The following EYA2 variants were observed in gnomAD, a reference collection of about 807,000 sequenced individuals.
EYA2 encodes protein phosphatase EYA2.
EYA2 carries 31 observed loss-of-function variants against 69.2 expected under a neutral mutation model. The ratio of observed to expected loss-of-function variants is 0.45; its 90% CI spans 0.34 to 0.60. The LOEUF (loss-of-function observed/expected upper bound fraction) is 0.60. Ranked by LOEUF, EYA2 falls within the 20% of genes least tolerant of loss-of-function variation. EYA2 has a pLI of 0.02. For synonymous variants in EYA2, 257 were observed against 279.4 expected, an observed-to-expected ratio of 0.92 and a Z score of 0.80; for missense variants, 622 against 701.2, an observed-to-expected ratio of 0.89 and a Z score of 1.28.
intron 9 of EYA2, among the ~76,000 whole-genome samples, chr20:47,126,437 G>A (rs924485769): frequency 6.6e-6 from 1 of 152,138 alleles, no homozygotes; most frequent in Non-Finnish European, 1.5e-5. Flanking sequence ...CCCAAGTCAC[G>A]TACCTTCTAG....
At chr20:46,975,710 T>C (rs1980418778) in intron 1 of EYA2, among the ~76,000 whole-genome samples, 1 of 151,880 alleles carries the variant, frequency 6.6e-6, no homozygotes, top group Non-Finnish European at 1.5e-5. Flanking sequence ...AGGTCAGGTG[T>C]TCGAGACTAG....
At chr20:47,000,406 C>T (rs1982289816) in intron 2 of EYA2, among the ~76,000 whole-genome samples, 1 of 152,208 alleles carries the variant, frequency 6.6e-6, no homozygotes, top group Non-Finnish European at 1.5e-5. Flanking sequence ...GTCTCCTGAG[C>T]CTCCAGCGCA....
At position 46,990,111 on chromosome 20, in the gene EYA2, A is replaced by T; in HGVS notation, c.101A>T (p.Asp34Val). The T allele has an allele frequency of 6.3e-7, 1 of 1,598,372 alleles. No individual in the cohort carries two copies. ...RADAAVWTLS[D>V]RQGITKSAPL... is the part of the protein sequence containing the mutation. ...GACGCTGCTGTGTGGACTCTGAGTG[A>T]CAGACAAGGTAGGCTTCCTGCTGTG... is the stretch of plus-strand genomic sequence containing the variant. The change falls in exon 2 of 16, where the codon GAC (aspartate) becomes GTC (valine). Residue 34 changes from aspartate (D) to valine (V), a missense_variant. Physicochemically the swap from Asp to Val is radical, Grantham distance 152. Coordinates refer to ENST00000327619, the MANE Select transcript of EYA2 (RefSeq NM_005244.5).
chr20:47,063,577 TCCCTGCC>T (rs2030991101), intron 5 of EYA2, among the ~76,000 whole-genome samples: 1 of 152,092 alleles, frequency 6.6e-6, no homozygotes, highest in African/African-American at 2.4e-5. Context: ...CCTTTGCAAC[TCCCTGCC>T]CCTTTTCCAC....
At chr20:47,024,636 G>A (rs937909557) in intron 5 of EYA2, among the ~76,000 whole-genome samples, 4 of 152,178 alleles carry the variant, frequency 2.6e-5, no homozygotes, top group African/African-American at 9.7e-5. Context: ...CCGCTGACTT[G>A]CAGCTCCATC....
chr20:46,966,534 C>T (rs1230764200), intron 1 of EYA2, among the ~76,000 whole-genome samples: 3 of 151,980 alleles, frequency 2.0e-5, no homozygotes, highest in Non-Finnish European at 4.4e-5. Flanking sequence ...GCAGGCCTGG[C>T]GCGGTGGCTC....
At chr20:47,119,536 T>C (rs981210149) in intron 9 of EYA2, among the ~76,000 whole-genome samples, 6 of 152,336 alleles carry the variant, frequency 3.9e-5, no homozygotes, top group Non-Finnish European at 7.3e-5. Context: ...AACACACTTA[T>C]GTCAAGTGAA....
In EYA2 at chr20:47,051,402, C is replaced by T. The variant is rs76310098; in HGVS notation, c.416-20783C>T. Among the ~76,000 whole-genome samples, 24 of 152,270 alleles carry T rather than the reference C, an allele frequency of 1.6e-4. No homozygotes were observed. In the East Asian group the frequency reaches 4.0e-3, roughly 26 times the overall value. The stretch of plus-strand genomic sequence containing the variant: ...AATACCCACCGAAACTATGAATGAA[C>T]CTTCCAGTAGGACCAAAAATTACAG... On this transcript the variant is annotated intron_variant, in intron 5 of 15. Transcript: ENST00000327619.
chr20:47,188,016 G>C (rs369669079), intron 15 of EYA2, 37 bp from the exon 16 acceptor site: 2 of 1,551,978 alleles, frequency 1.3e-6, no homozygotes, highest in South Asian at 2.4e-5. Context: ...GGGCAGGGGC[G>C]GGGCCATAAC....
At chr20:47,039,759 T>C (rs943763573) in intron 5 of EYA2, among the ~76,000 whole-genome samples, 1 of 150,734 alleles carries the variant, frequency 6.6e-6, no homozygotes, top group African/African-American at 2.4e-5. Flanking sequence ...CTGTTAACTG[T>C]GTGACTGTGG....
At chr20:47,107,933 C>T (rs371864398) in intron 9 of EYA2, among the ~76,000 whole-genome samples, 4 of 152,064 alleles carry the variant, frequency 2.6e-5, no homozygotes, top group South Asian at 4.2e-4. Context: ...TGAATAAGGC[C>T]TGAAGGAAGT....
intron 1 of EYA2, among the ~76,000 whole-genome samples, chr20:46,982,795 TA>T (rs1980922660): frequency 7.1e-6 from 1 of 141,520 alleles, no homozygotes; most frequent in African/African-American, 2.7e-5. Flanking sequence ...TTTTTTGAGA[TA>T]GAGTTTTGCT....
intron 8 of EYA2, among the ~76,000 whole-genome samples, chr20:47,092,315 A>G (rs1303421768): frequency 6.6e-6 from 1 of 152,106 alleles, no homozygotes; most frequent in Non-Finnish European, 1.5e-5. Flanking sequence ...GGCCATTCTT[A>G]GTCCAGGGAA....
At chr20:47,046,458 G>A (rs1166345889) in intron 5 of EYA2, among the ~76,000 whole-genome samples, 1 of 152,196 alleles carries the variant, frequency 6.6e-6, no homozygotes, top group African/African-American at 2.4e-5. Context: ...GGATGAAGGT[G>A]TCTGCATCTC....
intron 1 of EYA2, among the ~76,000 whole-genome samples, chr20:46,974,876 C>T (rs1345562652): frequency 6.6e-6 from 1 of 152,098 alleles, no homozygotes; most frequent in Non-Finnish European, 1.5e-5. Context: ...TGTCACTGCA[C>T]GTTGGGTGCC....
intron 9 of EYA2, among the ~76,000 whole-genome samples, chr20:47,133,082 G>A (rs1403228428): frequency 6.6e-6 from 1 of 152,188 alleles, no homozygotes; most frequent in East Asian, 1.9e-4. Context: ...CCAAAAAGGA[G>A]AATTTGTTCA....
intron 10 of EYA2, among the ~76,000 whole-genome samples, chr20:47,166,414 A>ATT (rs2034192785): frequency 7.1e-6 from 1 of 141,378 alleles, no homozygotes; most frequent in African/African-American, 2.8e-5. Flanking sequence ...AAAAAAAAAA[A>ATT]AAAAAAAAAA....
At chr20:47,149,297 T>C (rs1302509387) in intron 10 of EYA2, among the ~76,000 whole-genome samples, 1 of 151,994 alleles carries the variant, frequency 6.6e-6, no homozygotes, top group Non-Finnish European at 1.5e-5. Context: ...TAAATAGATA[T>C]AAAGCCAGAA....
At chr20:47,032,459 A>G (rs918215461) in intron 5 of EYA2, among the ~76,000 whole-genome samples, 3 of 152,132 alleles carry the variant, frequency 2.0e-5, no homozygotes, top group African/African-American at 4.8e-5. Flanking sequence ...AACATTCTCT[A>G]TGTATGCATT....
Sources: allele counts gnomAD v4.1 joint callset (sites outside exome capture counted in the v4.1 genomes callset), GRCh38; gene constraint gnomAD v4.1.1; transcripts MANE v1.5; gene names NCBI Gene and HGNC (gene_info 2026-07-23, HGNC 2026-07-21).